Variants in ANKRD27 observed in about 807,000 individuals in gnomAD.
ANKRD27 encodes the protein ankyrin repeat domain 27, also known as ankyrin repeat domain-containing protein 27.
A neutral mutation model predicts 129.7 loss-of-function variants in ANKRD27; 112 were observed. The observed-to-expected ratio is 0.86, with a 90% CI of 0.74 to 1.01. The LOEUF is 1.01. Among genes scored for constraint, ANKRD27 ranks in the 50% least tolerant of loss-of-function variants. ANKRD27 has a pLI of 0.00. For missense variants in ANKRD27, 1,258 were observed against 1,300.5 expected, an observed-to-expected ratio of 0.97 and a Z score of 0.50; for synonymous variants, 516 against 511.2, an observed-to-expected ratio of 1.01 and a Z score of -0.13.
intron 12 of ANKRD27, 189 bp downstream of exon 12, chr19:32,639,167 T>G: frequency 1.6e-6 from 1 of 631,386 alleles, no homozygotes; most frequent in Admixed American, 3.1e-5. Context: ...CCCACCAATT[T>G]TTACCACCAA....
At chr19:32,619,587 G>C (rs189533174) in intron 18 of ANKRD27, 34 bp from the exon 19 acceptor site, 1 of 1,610,680 alleles carries the variant, frequency 6.2e-7, no homozygotes, top group African/African-American at 1.3e-5. Context: ...ACAGTACCCC[G>C]TGAGATGGGG....
intron 9 of ANKRD27, among the ~76,000 whole-genome samples, chr19:32,642,463 G>A (rs1050577697): frequency 3.9e-5 from 6 of 152,184 alleles, no homozygotes; most frequent in South Asian, 4.1e-4. Context: ...AATTAGGCTC[G>A]GCGCAGTGGC....
intron 22 of ANKRD27, among the ~76,000 whole-genome samples, chr19:32,608,948 T>C (rs11670818): frequency 0.78 from 119,030 of 152,066 alleles, 47,693 homozygotes; most frequent in African/African-American, 0.95. Context: ...CTCACTGCAA[T>C]CTCTGCCTCT....
At position 32,642,066 on chromosome 19, in the gene ANKRD27, G is replaced by A. The variant is rs751857647; in HGVS notation, c.862C>T (p.Arg288Ter). ...TGTGTAATGAGCTGCACCACTTTTC[G>A]CAAGCAGACAAGCTTCTGCTGTGGG... The part of the protein sequence containing the change: ...TSPQQKLVCL[R>*]KVVQLITQSP... The change falls in exon 10 of 29, where the codon CGA (arginine) becomes TGA (stop). Residue 288 changes from arginine (R) to a stop codon, truncating the protein, a stop_gained. Coordinates refer to ENST00000306065, the MANE Select transcript of ANKRD27 (RefSeq NM_032139.3). LOFTEE classifies it high-confidence loss of function. 39 of 1,610,542 alleles carry A rather than the reference G, an allele frequency of 2.4e-5. No individual in the cohort carries two copies. The highest frequency in any genetic ancestry group is 1.3e-4 in the Admixed American group (8 of 59,688).
Position 32,659,042 on chromosome 19 carries a change from T to A in ANKRD27, c.-27A>T, listed in dbSNP as rs1967597244. 1 of 1,531,744 alleles carries A rather than the reference T, an allele frequency of 6.5e-7. No homozygotes were observed. Among genetic ancestry groups the A allele is most frequent in the Non-Finnish European group, 9.0e-7 (1 of 1,105,568 alleles). 94.9% of individuals were successfully genotyped at this position (1,531,744 alleles called of 1,614,324 possible). A position where few individuals can be genotyped will look rare whatever the true frequency, so the allele number is the denominator to read the frequency against. On this transcript the variant is annotated 5_prime_UTR_variant, in exon 2 of 29. Transcript: ENST00000306065. The stretch of plus-strand genomic sequence containing the variant: ...TGGACTTCAGATGGGTCAGAGCAAA[T>A]CTCCTGCAATAAGGGAGGGAAAAGC...
intron 22 of ANKRD27, among the ~76,000 whole-genome samples, chr19:32,609,762 A>G (rs577847992): frequency 7.2e-5 from 11 of 152,100 alleles, no homozygotes; most frequent in African/African-American, 1.2e-4. Flanking sequence ...ACAGGTTTAT[A>G]TATCTGTAAA....
chr19:32,607,406 C>T (rs1971760467), intron 23 of ANKRD27, among the ~76,000 whole-genome samples: 1 of 152,132 alleles, frequency 6.6e-6, no homozygotes, highest in African/African-American at 2.4e-5. Context: ...ACCTCGGTAT[C>T]ACCCAGATGG....
intron 11 of ANKRD27, among the ~76,000 whole-genome samples, 153 bp downstream of exon 11, chr19:32,640,153 CG>C (rs1274249762): frequency 6.6e-6 from 1 of 152,126 alleles, no homozygotes; most frequent in East Asian, 1.9e-4. Flanking sequence ...TTAGTAGAGA[CG>C]GGGTTTCACC....
Position 32,644,212 on chromosome 19 carries a change from G to T in ANKRD27, c.525+113C>A. The T allele has an allele frequency of 8.9e-6, 11 of 1,230,114 alleles. No homozygotes were observed. In the South Asian group the frequency reaches 1.4e-4, roughly 15 times the overall value. The allele number at this position is 1,230,114 out of a possible 1,614,324, so 76.2% of individuals were successfully genotyped here. ...TAGTTAGAGAGAAACATTTTTAAAA[G>T]ACTTCAAACAGTGAGGCAGCACCAG... On this transcript the variant is annotated intron_variant, in intron 5 of 28. Coordinates refer to ENST00000306065, the MANE Select transcript of ANKRD27 (RefSeq NM_032139.3).
chr19:32,646,711 G>T (rs1967311185), intron 3 of ANKRD27, 96 bp from the exon 4 acceptor site: 2 of 1,346,462 alleles, frequency 1.5e-6, no homozygotes, highest in Admixed American at 2.6e-5. Context: ...AGACCCTACG[G>T]CCTTCACCCC....
intron 17 of ANKRD27, 29 bp from the exon 18 acceptor site, chr19:32,622,648 T>C: frequency 1.2e-6 from 2 of 1,610,160 alleles, no homozygotes; most frequent in Admixed American, 3.3e-5. Flanking sequence ...ATGGCATCGC[T>C]CATGGATGTA....
At chr19:32,613,182 C>A (rs1971858880) in intron 22 of ANKRD27, among the ~76,000 whole-genome samples, 1 of 152,182 alleles carries the variant, frequency 6.6e-6, no homozygotes, top group African/African-American at 2.4e-5. Flanking sequence ...AGCTGTTCAA[C>A]AGCATCAGCC....
At chr19:32,657,233 G>A (rs1203253604) in intron 2 of ANKRD27, among the ~76,000 whole-genome samples, 3 of 152,086 alleles carry the variant, frequency 2.0e-5, no homozygotes, top group African/African-American at 7.2e-5. Context: ...GGGGGCCGAG[G>A]CGGGTGGATC....
In ANKRD27 at chr19:32,622,579, C is replaced by T. The variant is rs1471910986; in HGVS notation, c.1670G>A (p.Arg557Lys). 6.8e-6 allele frequency: 11 copies of T among 1,614,056 alleles called. No individual in the cohort carries two copies. Among genetic ancestry groups the T allele is most frequent in the Non-Finnish European group, 8.5e-6 (10 of 1,180,038 alleles). ...TCCTTTCTCATTGCCAATGTCAAGT[C>T]TGCACGACTCCACGTCGTAGTAAAC... ...ALVYYDVESC[R>K]LDIGNEKGDT... Residue 557 changes from arginine (R) to lysine (K), a missense_variant, in exon 18 of 29, where the codon AGA (arginine) becomes AAA (lysine). Coordinates refer to ENST00000306065, the MANE Select transcript of ANKRD27 (RefSeq NM_032139.3).
chr19:32,642,162 A>C lies in ANKRD27; in HGVS notation c.783-17T>G, dbSNP rs747794905. 6.4e-7 allele frequency: 1 copy of C among 1,573,052 alleles called. No homozygotes were observed. The highest frequency in any genetic ancestry group is 2.3e-5 in the East Asian group (1 of 44,078). On this transcript the variant is annotated splice_polypyrimidine_tract_variant and intron_variant, in intron 9 of 28. Coordinates refer to ENST00000306065, the MANE Select transcript of ANKRD27 (RefSeq NM_032139.3). ...ATGTTAAAGCTGTAAAATAATTTGGAAAGTGACAACTTCAGAGCACAGTAA... is the reference window on the plus strand; with the variant it reads ...ATGTTAAAGCTGTAAAATAATTTGGCAAGTGACAACTTCAGAGCACAGTAA...
intron 1 of ANKRD27, among the ~76,000 whole-genome samples, chr19:32,662,790 C>A (rs1967671245): frequency 6.6e-6 from 1 of 152,026 alleles, no homozygotes. Context: ...CGCCTCTAAT[C>A]TCAACACTTT....
At chr19:32,662,268 G>C (rs994489155) in intron 1 of ANKRD27, among the ~76,000 whole-genome samples, 4 of 121,504 alleles carry the variant, frequency 3.3e-5, no homozygotes, top group Non-Finnish European at 4.7e-5. Flanking sequence ...CCCAGATCCT[G>C]CCACTGCACT....
chr19:32,630,604 C>T (rs542854396), intron 13 of ANKRD27, among the ~76,000 whole-genome samples: 42 of 152,266 alleles, frequency 2.8e-4, no homozygotes, highest in Non-Finnish European at 5.6e-4. Flanking sequence ...CCACAGTGTG[C>T]CGCCCAGCAC....
intron 6 of ANKRD27, 37 bp downstream of exon 6, chr19:32,643,535 C>A (rs1329298327): frequency 6.2e-7 from 1 of 1,613,718 alleles, no homozygotes; most frequent in East Asian, 2.2e-5. Context: ...CATGGGGGTG[C>A]ACCACAATTC....
Sources: gnomAD v4.1 joint callset for allele counts (sites outside exome capture counted in the v4.1 genomes callset) on GRCh38, gnomAD v4.1.1 for gene constraint, MANE v1.5 for transcripts, NCBI Gene and HGNC (gene_info 2026-07-23, HGNC 2026-07-21) for gene names.